The following VCAN variants were observed in gnomAD, a reference collection of about 807,000 sequenced individuals.
VCAN encodes the protein versican.
A neutral mutation model predicts 245.5 loss-of-function variants in VCAN; 44 were observed. The observed-to-expected ratio is 0.18, with a 90% CI of 0.14 to 0.23. The LOEUF (loss-of-function observed/expected upper bound fraction) is 0.23. VCAN is among the 10% of genes least tolerant of loss of function. VCAN has a pLI of 1.00. For synonymous variants in VCAN, 1,413 were observed against 1,437.0 expected (o/e 0.98, Z 0.38); for missense variants, 3,793 against 4,057.9 (o/e 0.93, Z 1.77).
Position 83,558,666 on chromosome 5 carries a change from A to T in VCAN, c.9735+3628A>T, listed in dbSNP as rs528668351. Reference sequence around the variant, plus strand: ...AATGTATCATATTTAATGTTATGCTATACAGCTAGACTAATTCAACTAGTA... The same window carrying T: ...AATGTATCATATTTAATGTTATGCTTTACAGCTAGACTAATTCAACTAGTA... On this transcript the variant is annotated intron_variant, in intron 12 of 14. Coordinates refer to ENST00000265077, the MANE Select transcript of VCAN (RefSeq NM_004385.5). Among the ~76,000 whole-genome samples the T allele has an allele frequency of 9.2e-5, 14 of 152,288 alleles. No homozygotes were observed. In the East Asian group the frequency reaches 2.3e-3, roughly 25 times the overall value.
chr5:83,577,303 G>A (rs1748522129), intron 13 of VCAN, among the ~76,000 whole-genome samples: 1 of 152,152 alleles, frequency 6.6e-6, no homozygotes, highest in Non-Finnish European at 1.5e-5. Context: ...CCTACTGACA[G>A]TGGAAAAACA....
intron 6 of VCAN, among the ~76,000 whole-genome samples, chr5:83,518,713 G>C (rs768786791): frequency 5.9e-5 from 9 of 152,204 alleles, no homozygotes; most frequent in Non-Finnish European, 1.0e-4. Flanking sequence ...TCCAACACCT[G>C]GGATCAAGTG....
rs867779675 is a variant in VCAN, at chr5:83,541,546, C to T, written c.8543C>T (p.Ala2848Val). Residue 2848 changes from alanine to valine, a missense_variant, in exon 8 of 15, where the codon GCT (alanine) becomes GTT (valine). Physicochemically the swap from Ala to Val is moderately conservative, Grantham distance 64. This residue lies in a region of VCAN where 3,182 missense variants were observed against 3,250.3 expected (regional missense o/e 0.98). Transcript: ENST00000265077. Reference sequence around the variant, plus strand: ...CACACAGAGATCCCCCAGCCCAGTGCTCTGCCAGGAATAGACGTCGGCTCA... The same window carrying T: ...CACACAGAGATCCCCCAGCCCAGTGTTCTGCCAGGAATAGACGTCGGCTCA... ...SGHTEIPQPS[A>V]LPGIDVGSSV... The T allele has an allele frequency of 2.5e-6, 4 of 1,613,830 alleles. No homozygotes were observed. The highest frequency in any genetic ancestry group is 3.4e-6 in the Non-Finnish European group (4 of 1,180,014).
In VCAN at chr5:83,539,384, A is replaced by G; in HGVS notation, c.6381A>G (p.Glu2127=). 1 of 1,614,104 alleles carries G rather than the reference A, an allele frequency of 6.2e-7. No individual in the cohort carries two copies. Among genetic ancestry groups the G allele is most frequent in the Non-Finnish European group, 8.5e-7 (1 of 1,179,986 alleles). The change falls in exon 8 of 15, where the codon GAA becomes GAG. Residue 2127 remains glutamate (E), a synonymous_variant. Coordinates refer to ENST00000265077, the MANE Select transcript of VCAN (RefSeq NM_004385.5). ...EEQIQEEKSF[E]SPQNSPATEQ... ...AAATTCAAGAAGAAAAGTCATTTGA[A>G]TCCCCTCAAAACTCTCCTGCAACAG...
chr5:83,547,870 T>C, intron 9 of VCAN, 101 bp from the exon 10 acceptor site: 4 of 841,332 alleles, frequency 4.8e-6, no homozygotes, highest in Admixed American at 1.9e-5. Flanking sequence ...GAAATTCAAA[T>C]TTAACTGGCT....
rs2112449112 is a variant in VCAN, at chr5:83,541,149, C to T, written c.8146C>T (p.Leu2716=). ...AGGAATAAAAGCTGAAGCAAAAGCC[C>T]TGGATGACATGTTTGAATCAAGCAC... The part of the protein sequence containing the change: ...IEGIKAEAKA[L]DDMFESSTLS... Residue 2716 remains leucine (L), a synonymous_variant, in exon 8 of 15, where the codon CTG becomes TTG. Coordinates refer to ENST00000265077, the MANE Select transcript of VCAN (RefSeq NM_004385.5). The T allele has an allele frequency of 6.2e-7, 1 of 1,614,084 alleles. No individual in the cohort carries two copies. Among genetic ancestry groups the T allele is most frequent in the Admixed American group, 1.7e-5 (1 of 60,002 alleles).
rs1745680756 is a variant in VCAN, at chr5:83,512,126, C to T, written c.772C>T (p.Pro258Ser). ...AGGTGATGTGTTCCACCTCACTGTC[C>T]CCAGTAAATTCACCTTCGAGGAGGC... ...LDGDVFHLTV[P>S]SKFTFEEAAK... The change falls in exon 6 of 15, where the codon CCC (proline) becomes TCC (serine). Residue 258 changes from proline (P) to serine (S), a missense_variant. Physicochemically the swap from Pro to Ser is moderately conservative, Grantham distance 74 (BLOSUM62 -1). This residue lies in a region of VCAN where 190 missense variants were observed against 288.6 expected (regional missense o/e 0.66). Coordinates refer to ENST00000265077, the MANE Select transcript of VCAN (RefSeq NM_004385.5). 1.2e-6 allele frequency: 2 copies of T among 1,614,066 alleles called. No homozygotes were observed. The highest frequency in any genetic ancestry group is 1.7e-6 in the Non-Finnish European group (2 of 1,180,034).
rs368470105 is a variant in VCAN, at chr5:83,484,870, T to C, written c.70+1282T>C. ...ATTTAAAGTGAGATGAGAATGATAATGAGGAACCAGCCAGCCAAGACCTGT... is the reference window on the plus strand; with the variant it reads ...ATTTAAAGTGAGATGAGAATGATAACGAGGAACCAGCCAGCCAAGACCTGT... On this transcript the variant is annotated intron_variant, in intron 2 of 14. Transcript: ENST00000265077. 1.3e-5 allele frequency among the ~76,000 whole-genome samples: 2 copies of C among 152,054 alleles called. 1 individual carries two copies. Among genetic ancestry groups the C allele is most frequent in the South Asian group, 4.2e-4 (2 of 4,816 alleles).
intron 12 of VCAN, among the ~76,000 whole-genome samples, chr5:83,556,591 T>C (rs2112474987): frequency 6.6e-6 from 1 of 152,306 alleles, no homozygotes; most frequent in South Asian, 2.1e-4. Flanking sequence ...CATCTTCTTC[T>C]ATTAATAATT....
intron 12 of VCAN, among the ~76,000 whole-genome samples, chr5:83,563,149 A>G (rs1467167383): frequency 6.6e-6 from 1 of 152,194 alleles, no homozygotes; most frequent in African/African-American, 2.4e-5. Context: ...CCTTTAAAAC[A>G]AAGCTGCTCT....
chr5:83,546,477 C>A (rs749340444), intron 9 of VCAN, among the ~76,000 whole-genome samples: 1 of 151,904 alleles, frequency 6.6e-6, no homozygotes, highest in Non-Finnish European at 1.5e-5. Flanking sequence ...GTCAACGAGG[C>A]CAGCGCGGTG....
At chr5:83,503,355 G>A (rs1291348902) in intron 5 of VCAN, among the ~76,000 whole-genome samples, 4 of 152,098 alleles carry the variant, frequency 2.6e-5, no homozygotes, top group South Asian at 2.1e-4. Flanking sequence ...TGATTTTATC[G>A]TATGGGTATT....
At chr5:83,546,040 G>T (rs1023452629) in intron 9 of VCAN, among the ~76,000 whole-genome samples, 3 of 152,086 alleles carry the variant, frequency 2.0e-5, no homozygotes, top group East Asian at 3.9e-4. Context: ...ATAAAAGTTA[G>T]AGAGCTTTGT....
chr5:83,575,696 T>C (rs1448406466), intron 13 of VCAN, among the ~76,000 whole-genome samples: 2 of 152,136 alleles, frequency 1.3e-5, no homozygotes, highest in South Asian at 4.1e-4. Flanking sequence ...TTCTGCATTG[T>C]AAAAAGCAAA....
intron 10 of VCAN, among the ~76,000 whole-genome samples, chr5:83,552,138 G>A (rs997959321): frequency 6.6e-6 from 1 of 152,204 alleles, no homozygotes; most frequent in Non-Finnish European, 1.5e-5. Context: ...AGCCAGGAAA[G>A]AAATGAAATC....
Position 83,522,223 on chromosome 5 carries a change from C to T in VCAN, c.3917C>T (p.Ala1306Val), listed in dbSNP as rs749496810. The T allele has an allele frequency of 1.6e-5, 25 of 1,601,962 alleles. No homozygotes were observed. The highest frequency in any genetic ancestry group is 1.0e-4 in the Admixed American group (6 of 59,916). The part of the protein sequence containing the change: ...VEDKEAFGPQ[A>V]LSTPQPPAST... ...GACAAAGAGGCCTTTGGACCTCAGG[C>T]GCTTTCTACGCCACAGCCCCCAGCA... The change falls in exon 7 of 15, where the codon GCG becomes GTG. Residue 1306 changes from alanine to valine, a missense_variant. By Grantham distance (64) the Ala-to-Val change is moderately conservative. Coordinates refer to ENST00000265077, the MANE Select transcript of VCAN (RefSeq NM_004385.5).
At chr5:83,519,183 C>T (rs1745972273) in intron 6 of VCAN, among the ~76,000 whole-genome samples, 166 bp from the exon 7 acceptor site, 1 of 152,086 alleles carries the variant, frequency 6.6e-6, no homozygotes, top group Non-Finnish European at 1.5e-5. Flanking sequence ...ATTATCTGTC[C>T]TTGGGTTAAT....
At chr5:83,572,338 A>C (rs2112499086) in intron 12 of VCAN, 78 bp from the exon 13 acceptor site, 55 of 1,536,118 alleles carry the variant, frequency 3.6e-5, no homozygotes, top group Middle Eastern at 1.7e-4. Flanking sequence ...TTCCAATTAG[A>C]TTGTGATATA....
At chr5:83,534,976 G>A (rs1446135081) in intron 7 of VCAN, among the ~76,000 whole-genome samples, 2 of 151,900 alleles carry the variant, frequency 1.3e-5, no homozygotes, top group African/African-American at 4.8e-5. Context: ...TATAAGATCC[G>A]AGTAACAACT....
Sources: allele counts gnomAD v4.1 joint callset (sites outside exome capture counted in the v4.1 genomes callset), GRCh38; gene constraint gnomAD v4.1.1; regional missense constraint gnomAD v4.1.1; transcripts MANE v1.5; gene names NCBI Gene and HGNC (gene_info 2026-07-23, HGNC 2026-07-21).